The following KPNA1 variants were observed in gnomAD, a reference collection of about 807,000 sequenced individuals.
The protein encoded by KPNA1 is karyopherin subunit alpha 1, also known as importin subunit alpha-5.
Under a neutral mutation model 70.5 loss-of-function variants are expected in KPNA1, and 10 were observed. The ratio of observed to expected loss-of-function variants is 0.14; its 90% CI spans 0.09 to 0.24. KPNA1 has a LOEUF of 0.24. KPNA1 is among the 10% of genes least tolerant of loss of function. The pLI is 1.00. For missense variants in KPNA1, 397 were observed against 637.9 expected (o/e 0.62, Z 4.07); for synonymous variants, 192 against 221.9 (o/e 0.87, Z 1.20).
chr3:122,477,141 G>T (rs889264789), intron 2 of KPNA1, among the ~76,000 whole-genome samples: 1 of 152,120 alleles, frequency 6.6e-6, no homozygotes, highest in African/African-American at 2.4e-5. Context: ...GATGAACCTG[G>T]AGGATATTAT....
At chr3:122,457,724 ACCT>A in intron 5 of KPNA1, 1 of 1,287,276 alleles carries the variant, frequency 7.8e-7, no homozygotes, top group Middle Eastern at 2.1e-4. Context: ...AGTACTTCTG[ACCT>A]CCTATCAAGT....
intron 7 of KPNA1, 69 bp downstream of exon 7, chr3:122,451,907 T>C (rs1478675577): frequency 1.0e-6 from 1 of 965,706 alleles, no homozygotes; most frequent in Non-Finnish European, 1.6e-6. Context: ...CATGTAATGC[T>C]TTCTGAGGAA....
intron 2 of KPNA1, among the ~76,000 whole-genome samples, chr3:122,468,071 T>C (rs2076401023): frequency 6.6e-6 from 1 of 152,212 alleles, no homozygotes; most frequent in Non-Finnish European, 1.5e-5. Flanking sequence ...AACAGTAACT[T>C]ACCCTCTCTC....
chr3:122,453,532 TTTTG>T (rs1159995089), intron 6 of KPNA1, among the ~76,000 whole-genome samples: 1 of 151,990 alleles, frequency 6.6e-6, no homozygotes, highest in Non-Finnish European at 1.5e-5. Context: ...GTTTTTCTTT[TTTTG>T]TTTGTTTTGT....
intron 2 of KPNA1, among the ~76,000 whole-genome samples, chr3:122,486,619 G>A (rs1320585542): frequency 2.0e-5 from 3 of 150,800 alleles, no homozygotes; most frequent in South Asian, 2.1e-4. Context: ...ACGGAGTCTC[G>A]CTCTGTCGCC....
At chr3:122,485,038 T>C (rs577423203) in intron 2 of KPNA1, among the ~76,000 whole-genome samples, 2 of 152,118 alleles carry the variant, frequency 1.3e-5, no homozygotes, top group African/African-American at 2.4e-5. Context: ...TCTGGGACTA[T>C]AGGTGCATGC....
chr3:122,454,315 T>C (rs574161524), intron 5 of KPNA1, among the ~76,000 whole-genome samples: 25 of 152,310 alleles, frequency 1.6e-4, no homozygotes, highest in African/African-American at 6.0e-4. Flanking sequence ...ATGCAAACAG[T>C]GTACATTAAT....
Position 122,496,493 on chromosome 3 carries a change from G to T in KPNA1, c.73C>A (p.Arg25Ser). Reference protein sequence around the residue: ...KNKSLNPDEMRRRREEEGLQL... With the variant: ...KNKSLNPDEMSRRREEEGLQL... ...AGTCCTTCTTCCTCCCTCCTCCTGC[G>T]CATCTCATCGGGATTCAGAGATTTG... The change falls in exon 2 of 14, where the codon CGC becomes AGC. Residue 25 changes from arginine (R) to serine (S), a missense_variant. Arg to Ser is a moderately radical substitution (Grantham distance 110). Transcript: ENST00000344337. 1 of 1,613,454 alleles carries T rather than the reference G, an allele frequency of 6.2e-7. No homozygotes were observed. Among genetic ancestry groups the T allele is most frequent in the Non-Finnish European group, 8.5e-7 (1 of 1,179,538 alleles).
chr3:122,479,448 T>C (rs2076545087), intron 2 of KPNA1, among the ~76,000 whole-genome samples: 1 of 152,182 alleles, frequency 6.6e-6, no homozygotes, highest in Non-Finnish European at 1.5e-5. Context: ...GAAGACAGTT[T>C]AGCAGTCTGT....
chr3:122,437,044 T>C, intron 11 of KPNA1, 126 bp downstream of exon 11: 1 of 870,684 alleles, frequency 1.1e-6, no homozygotes, highest in Non-Finnish European at 1.8e-6. Flanking sequence ...CCTCCCAGAG[T>C]GCTGGGATTA....
chr3:122,508,565 A>G (rs560929302), intron 1 of KPNA1, among the ~76,000 whole-genome samples: 4 of 152,318 alleles, frequency 2.6e-5, no homozygotes, highest in African/African-American at 7.2e-5. Context: ...ACATGAGCAC[A>G]ACAGTAAAAA....
intron 2 of KPNA1, among the ~76,000 whole-genome samples, chr3:122,475,993 A>G (rs911649886): frequency 3.9e-5 from 6 of 152,216 alleles, no homozygotes; most frequent in East Asian, 3.8e-4. Flanking sequence ...AAATCTGCAT[A>G]TAAGTGGACC....
At chr3:122,454,065 G>GAAAATGTTACTGTTA in intron 5 of KPNA1, 64 bp from the exon 6 acceptor site, 2 of 1,153,828 alleles carry the variant, frequency 1.7e-6, no homozygotes, top group Non-Finnish European at 2.4e-6. Context: ...ACTTATAACA[G>GAAAATGTTACTGTTA]TAACATTTTC....
At chr3:122,483,489 C>T (rs1163146710) in intron 2 of KPNA1, among the ~76,000 whole-genome samples, 1 of 151,974 alleles carries the variant, frequency 6.6e-6, no homozygotes, top group Non-Finnish European at 1.5e-5. Flanking sequence ...GGATTACAGG[C>T]GCCCACTACC....
intron 9 of KPNA1, among the ~76,000 whole-genome samples, chr3:122,447,929 AC>A (rs1406949638): frequency 1.3e-5 from 2 of 151,822 alleles, no homozygotes; most frequent in East Asian, 3.9e-4. Flanking sequence ...AGAAAAAAAA[AC>A]CCCCTCAAAA....
intron 13 of KPNA1, 97 bp downstream of exon 13, chr3:122,427,441 C>T: frequency 8.2e-7 from 1 of 1,221,414 alleles, no homozygotes; most frequent in Non-Finnish European, 1.1e-6. Context: ...GTCCTCTTTT[C>T]ATCCAGTGCC....
rs1473862017 is a variant in KPNA1 at position 122,422,753 on chromosome 3, T to C, written c.*4232A>G. 2.0e-5 allele frequency: 3 copies of C among 152,166 alleles called. No individual in the cohort carries two copies. Among genetic ancestry groups the C allele is most frequent in the Non-Finnish European group, 4.4e-5 (3 of 68,036 alleles). The allele number at this position is 152,166 out of a possible 1,614,324, so 9.4% of individuals were successfully genotyped here. On this transcript the variant is annotated 3_prime_UTR_variant, in exon 14 of 14. Transcript: ENST00000344337. ...TATAGTGACAATTATCAAAGAACAT[T>C]TGGAAGACTACATGAGAAAAAAGGA... is the stretch of plus-strand genomic sequence containing the variant.
At chr3:122,462,899 A>G (rs2076339850) in intron 4 of KPNA1, among the ~76,000 whole-genome samples, 1 of 152,160 alleles carries the variant, frequency 6.6e-6, no homozygotes. Flanking sequence ...AACAAGTATC[A>G]GATTCCATTC....
In KPNA1 at chr3:122,462,419, C is replaced by T. The variant is rs148365011; in HGVS notation, c.338-1101G>A. On this transcript the variant is annotated intron_variant, in intron 4 of 13. Coordinates refer to ENST00000344337, the MANE Select transcript of KPNA1 (RefSeq NM_002264.4). Reference sequence around the variant, plus strand: ...CAAAATAACTAGCTACCTTGGACTACATTATCAAAATAGACACTCTTAGGG... The same window carrying T: ...CAAAATAACTAGCTACCTTGGACTATATTATCAAAATAGACACTCTTAGGG... 2.4e-4 allele frequency among the ~76,000 whole-genome samples: 37 copies of T among 152,222 alleles called. No individual in the cohort carries two copies. In the East Asian group the frequency reaches 6.9e-3, roughly 29 times the overall value.
Sources: gnomAD v4.1 joint callset for allele counts (sites outside exome capture counted in the v4.1 genomes callset) on GRCh38, gnomAD v4.1.1 for gene constraint, MANE v1.5 for transcripts, NCBI Gene and HGNC (gene_info 2026-07-23, HGNC 2026-07-21) for gene names.